Variants in NAA15 observed in about 807,000 individuals in gnomAD.
The protein encoded by NAA15 is N-alpha-acetyltransferase 15, NatA auxiliary subunit.
Under a neutral mutation model 114.0 loss-of-function variants are expected in NAA15, and 34 were observed. That is an observed-to-expected ratio of 0.30 (90% CI 0.23 to 0.40). NAA15 has a LOEUF of 0.40. Ranked by LOEUF, NAA15 falls within the 10% of genes least tolerant of loss-of-function variation. The pLI is 1.00. For synonymous variants in NAA15, 340 were observed against 338.0 expected (o/e 1.01, Z -0.06); for missense variants, 658 against 1,004.5 (o/e 0.66, Z 4.66).
chr4:139,364,918 T>C (rs1484395129), intron 14 of NAA15, among the ~76,000 whole-genome samples: 1 of 152,202 alleles, frequency 6.6e-6, no homozygotes, highest in East Asian at 1.9e-4. Flanking sequence ...CTTTCCCCCT[T>C]ATGTCTTCTG....
chr4:139,376,246 G>C (rs1748577280), intron 15 of NAA15, 119 bp from the exon 16 acceptor site: 1 of 632,326 alleles, frequency 1.6e-6, no homozygotes, highest in African/African-American at 1.8e-5. Context: ...ATATGACAGT[G>C]TTTTTCTGGG....
At chr4:139,359,581 A>G (rs1002731065) in intron 11 of NAA15, among the ~76,000 whole-genome samples, 162 bp from the exon 12 acceptor site, 6 of 152,232 alleles carry the variant, frequency 3.9e-5, no homozygotes, top group Non-Finnish European at 5.9e-5. Flanking sequence ...ATCAGAACTT[A>G]TATTATGGAA....
chr4:139,378,975 C>T, intron 17 of NAA15, 121 bp downstream of exon 17: 1 of 610,914 alleles, frequency 1.6e-6, no homozygotes, highest in Non-Finnish European at 2.7e-6. Context: ...ACTAAATTAG[C>T]TAAGGGAAAA....
chr4:139,308,241 A>G lies in NAA15; in HGVS notation c.54+6410A>G, dbSNP rs113780682. Among the ~76,000 whole-genome samples, 1,277 of 152,270 alleles carry G rather than the reference A, an allele frequency of 8.4e-3. 16 individuals are homozygous for G. Among genetic ancestry groups the G allele is most frequent in the African/African-American group, 0.027 (1,117 of 41,566 alleles). ...CTCCCTAAGTGCTAGGATTACAGGC[A>G]TGAACCACCGCGCCCGGCCCATTGT... On this transcript the variant is annotated intron_variant, in intron 1 of 19. Coordinates refer to ENST00000296543, the MANE Select transcript of NAA15 (RefSeq NM_057175.5).
chr4:139,329,069 A>G lies in NAA15; in HGVS notation c.55-5105A>G, dbSNP rs1746909120. ...TTTTTTTTTTGTATTTTTAGTAGAGACAAGGTTTTGCCATGTTGGCTAGGC... is the reference window on the plus strand; with the variant it reads ...TTTTTTTTTTGTATTTTTAGTAGAGGCAAGGTTTTGCCATGTTGGCTAGGC... On this transcript the variant is annotated intron_variant, in intron 1 of 19. Coordinates refer to ENST00000296543, the MANE Select transcript of NAA15 (RefSeq NM_057175.5). Among the ~76,000 whole-genome samples the G allele has an allele frequency of 2.1e-5, 3 of 145,552 alleles. No homozygotes were observed. In the South Asian group the frequency reaches 6.5e-4, roughly 31 times the overall value.
At chr4:139,335,947 CG>C (rs1359367823) in intron 2 of NAA15, among the ~76,000 whole-genome samples, 5 of 149,178 alleles carry the variant, frequency 3.4e-5, no homozygotes, top group African/African-American at 1.2e-4. Flanking sequence ...TTAGTAGAGA[CG>C]GGGGTTCACC....
chr4:139,360,033 A>G, intron 12 of NAA15, 138 bp downstream of exon 12: 4 of 783,270 alleles, frequency 5.1e-6, no homozygotes, highest in Non-Finnish European at 7.6e-6. Flanking sequence ...AAATCACTGT[A>G]TCAGAAGATA....
At position 139,370,389 on chromosome 4, in the gene NAA15, A is replaced by G. The variant is rs1748402905; in HGVS notation, c.1932A>G (p.Pro644=). ...GAGGTCCAAAAGAAGAACTTATTCC[A>G]GAGAAACTGGCCAAGGTACTTAATA... The part of the protein sequence containing the change: ...EIGGPKEELI[P]EKLAKVETPL... Residue 644 remains proline, a synonymous_variant, in exon 15 of 20, where the codon CCA becomes CCG. Coordinates refer to ENST00000296543, the MANE Select transcript of NAA15 (RefSeq NM_057175.5). 1.3e-6 allele frequency: 2 copies of G among 1,576,884 alleles called. No individual in the cohort carries two copies. Among genetic ancestry groups the G allele is most frequent in the South Asian group, 1.2e-5 (1 of 83,104 alleles).
At chr4:139,366,237 T>C (rs1669372049) in intron 14 of NAA15, among the ~76,000 whole-genome samples, 1 of 152,044 alleles carries the variant, frequency 6.6e-6, no homozygotes, top group Non-Finnish European at 1.5e-5. Flanking sequence ...GAAGTTGTAG[T>C]TGAGATTTTG....
chr4:139,302,951 T>C (rs77437311), intron 1 of NAA15, among the ~76,000 whole-genome samples: 1,976 of 152,334 alleles, frequency 0.013, 30 homozygotes, highest in East Asian at 0.058. Flanking sequence ...TTTAAGACTT[T>C]TAAAATTTGG....
rs78835818 is a variant in NAA15, at chr4:139,347,781, C to T, written c.692-1681C>T. On this transcript the variant is annotated intron_variant, in intron 6 of 19. Coordinates refer to ENST00000296543, the MANE Select transcript of NAA15 (RefSeq NM_057175.5). ...GGCGCGGTGGCTCACGCCTGTAATC[C>T]CAGCACTTTGGGAGGCCGAGGCGGG... Among the ~76,000 whole-genome samples the T allele has an allele frequency of 7.9e-5, 12 of 152,136 alleles. No individual in the cohort carries two copies. In the East Asian group the frequency reaches 2.3e-3, roughly 29 times the overall value.
chr4:139,352,771 G>A (rs1336801776), intron 9 of NAA15, among the ~76,000 whole-genome samples: 8 of 149,098 alleles, frequency 5.4e-5, no homozygotes, highest in African/African-American at 7.4e-5. Flanking sequence ...GGGTTCAAGC[G>A]ATTCTCCTGC....
Position 139,360,569 on chromosome 4 carries a change from G to A in NAA15, c.1480G>A (p.Ala494Thr), listed in dbSNP as rs1748102032. The A allele has an allele frequency of 1.2e-6, 2 of 1,609,622 alleles. No homozygotes were observed. The highest frequency in any genetic ancestry group is 1.7e-6 in the Non-Finnish European group (2 of 1,177,930). ...CMWFQTECAQ[A>T]YKAMNKFGEA... Reference sequence around the variant, plus strand: ...GTGGTTCCAAACAGAATGTGCCCAGGCTTATAAAGCAATGAATAAATTTGG... The same window carrying A: ...GTGGTTCCAAACAGAATGTGCCCAGACTTATAAAGCAATGAATAAATTTGG... The change falls in exon 13 of 20, where the codon GCT becomes ACT. Residue 494 changes from alanine (A) to threonine (T), a missense_variant. Physicochemically the swap from Ala to Thr is moderately conservative, Grantham distance 58. This residue lies in a region of NAA15 where 281 missense variants were observed against 389.1 expected (regional missense o/e 0.72). Transcript: ENST00000296543.
chr4:139,357,506 G>A lies in NAA15; in HGVS notation c.1208G>A (p.Ser403Asn), dbSNP rs779190782. 2 of 1,611,558 alleles carry A rather than the reference G, an allele frequency of 1.2e-6. No homozygotes were observed. Among genetic ancestry groups the A allele is most frequent in the Non-Finnish European group, 8.5e-7 (1 of 1,177,872 alleles). ...ALEYINTAIE[S>N]TPTLIELFLV... ...GAGTACATAAATACTGCTATTGAAA[G>A]TACACCTACATTAATAGAACTCTTT... The change falls in exon 11 of 20, where the codon AGT becomes AAT. Residue 403 changes from serine to asparagine, a missense_variant. Ser to Asn is a conservative substitution (Grantham distance 46). Coordinates refer to ENST00000296543, the MANE Select transcript of NAA15 (RefSeq NM_057175.5).
At chr4:139,387,006 GA>G (rs1748927210) in intron 19 of NAA15, among the ~76,000 whole-genome samples, 1 of 152,168 alleles carries the variant, frequency 6.6e-6, no homozygotes, top group Non-Finnish European at 1.5e-5. Flanking sequence ...TGTATATGCT[GA>G]AAGACAGTTA....
intron 1 of NAA15, chr4:139,302,387 G>C (rs1359063483): frequency 6.5e-6 from 1 of 152,682 alleles, no homozygotes; most frequent in Non-Finnish European, 1.5e-5. Context: ...GGAGTTCAGA[G>C]AAGGAAAGAA....
At position 139,301,547 on chromosome 4, in the gene NAA15, A is replaced by G; in HGVS notation, c.-231A>G. ...TGTTCAGTTACCACGTGAACCGCCG[A>G]CGGAGACCCGTAGTGGGGGAGGCGG... On this transcript the variant is annotated 5_prime_UTR_variant, in exon 1 of 20. Transcript: ENST00000296543. 1 of 574,958 alleles carries G rather than the reference A, an allele frequency of 1.7e-6. No homozygotes were observed. Among genetic ancestry groups the G allele is most frequent in the Non-Finnish European group, 3.1e-6 (1 of 325,740 alleles). The allele number at this position is 574,958 out of a possible 1,614,324, so 35.6% of individuals were successfully genotyped here.
chr4:139,319,265 G>T (rs1286697121), intron 1 of NAA15, among the ~76,000 whole-genome samples: 1 of 152,140 alleles, frequency 6.6e-6, no homozygotes, highest in Non-Finnish European at 1.5e-5. Flanking sequence ...CTGCACTCCA[G>T]CCTGGCTAAA....
intron 1 of NAA15, among the ~76,000 whole-genome samples, chr4:139,313,084 T>C (rs1346266986): frequency 1.3e-5 from 2 of 151,972 alleles, no homozygotes; most frequent in African/African-American, 4.8e-5. Context: ...GAGGAGATTA[T>C]GTAAACATTC....
Sources: gnomAD v4.1 joint callset for allele counts (sites outside exome capture counted in the v4.1 genomes callset) on GRCh38, gnomAD v4.1.1 for gene constraint, gnomAD v4.1.1 regional missense constraint, MANE v1.5 for transcripts, NCBI Gene and HGNC (gene_info 2026-07-23, HGNC 2026-07-21) for gene names.